Variants in INSL6 observed in about 807,000 individuals in gnomAD.
INSL6 encodes insulin-like peptide INSL6.
A neutral mutation model predicts 9.4 loss-of-function variants in INSL6; 16 were observed. The ratio of observed to expected loss-of-function variants is 1.70; its 90% confidence interval spans 1.15 to 2.59. The LOEUF is 2.59. Among genes scored for constraint, INSL6 ranks in the 30% most tolerant of loss-of-function variants. The probability of loss-of-function intolerance (pLI) is 0.00; values close to 1 mark genes in which losing one functional copy is unlikely to be tolerated. For synonymous variants in INSL6, 154 were observed against 96.9 expected, an observed-to-expected ratio of 1.59 and a Z score of -3.46; for missense variants, 391 against 257.3, an observed-to-expected ratio of 1.52 and a Z score of -3.56.
the INSL6 span, among the ~76,000 whole-genome samples, chr9:5,104,310 C>A: frequency 6.6e-6 from 1 of 152,280 alleles, no homozygotes; most frequent in East Asian, 1.9e-4. Flanking sequence ...ACTAGAAAAT[C>A]TAGAAGAAAT....
the INSL6 span, among the ~76,000 whole-genome samples, chr9:5,084,033 G>A: frequency 6.6e-6 from 1 of 151,872 alleles, no homozygotes; most frequent in African/African-American, 2.4e-5. Flanking sequence ...CCCCTTTATT[G>A]TAATTTTGAG....
the INSL6 span, among the ~76,000 whole-genome samples, chr9:5,095,396 C>G: frequency 4.6e-5 from 7 of 152,126 alleles, no homozygotes; most frequent in Non-Finnish European, 8.8e-5. Context: ...GAAGCAGCCA[C>G]CAAATATTTT....
At chr9:5,090,485 A>G in the INSL6 span, 1 of 1,586,738 alleles carries the variant, frequency 6.3e-7, no homozygotes, top group Non-Finnish European at 8.6e-7. Flanking sequence ...TATTTACCAT[A>G]TGGAAGTTTA....
chr9:5,093,039 A>T, the INSL6 span, among the ~76,000 whole-genome samples: 1 of 152,140 alleles, frequency 6.6e-6, no homozygotes, highest in Admixed American at 6.5e-5. Context: ...ACTCTACGGA[A>T]CTCCTAACAT....
At chr9:5,018,917 C>CT in the INSL6 span, among the ~76,000 whole-genome samples, 1 of 152,076 alleles carries the variant, frequency 6.6e-6, no homozygotes. Context: ...TGACTAGACT[C>CT]TTTTTTCTTG....
the INSL6 span, chr9:5,112,517 C>T: frequency 1.7e-6 from 1 of 581,526 alleles, no homozygotes; most frequent in South Asian, 2.3e-5. Flanking sequence ...CTTTTCCCCC[C>T]AGAGCAGAAG....
At chr9:5,146,213 G>A (rs557467130) in intron 2 of INSL6, among the ~76,000 whole-genome samples, 3 of 152,126 alleles carry the variant, frequency 2.0e-5, no homozygotes, top group South Asian at 4.2e-4. Context: ...AAGATTTTAG[G>A]GGGCCAGTAT....
the INSL6 span, among the ~76,000 whole-genome samples, chr9:5,027,524 A>AT: frequency 6.6e-6 from 1 of 152,156 alleles, no homozygotes; most frequent in Non-Finnish European, 1.5e-5. Context: ...TTGGGTGGCT[A>AT]TGGCAATATC....
intron 1 of INSL6, among the ~76,000 whole-genome samples, chr9:5,177,838 C>T (rs181904437): frequency 6.6e-6 from 1 of 152,304 alleles, no homozygotes; most frequent in East Asian, 1.9e-4. Context: ...CACAGCACAG[C>T]TGCTGTGCCA....
At chr9:5,172,886 C>T (rs1397618190) in intron 1 of INSL6, among the ~76,000 whole-genome samples, 1 of 151,750 alleles carries the variant, frequency 6.6e-6, no homozygotes, top group Non-Finnish European at 1.5e-5. Flanking sequence ...CGAGATCATG[C>T]CATTGCACTC....
the INSL6 span, among the ~76,000 whole-genome samples, chr9:5,002,625 G>A: frequency 6.6e-6 from 1 of 151,876 alleles, no homozygotes; most frequent in Non-Finnish European, 1.5e-5. Context: ...ATTGTGTTCT[G>A]TAAATGTCAG....
At chr9:5,135,329 GC>G (rs1282721846) in intron 2 of INSL6, among the ~76,000 whole-genome samples, 2 of 150,518 alleles carry the variant, frequency 1.3e-5, no homozygotes, top group Non-Finnish European at 3.0e-5. Flanking sequence ...TCTGGACCAA[GC>G]AGACCTAACA....
intron 2 of INSL6, among the ~76,000 whole-genome samples, chr9:5,153,254 C>T (rs1045440979): frequency 2.6e-5 from 4 of 152,088 alleles, no homozygotes; most frequent in African/African-American, 9.7e-5. Flanking sequence ...CTCTGTGGGT[C>T]CCACCCCCAC....
the INSL6 span, chr9:5,069,177 G>T: frequency 1.9e-6 from 3 of 1,609,836 alleles, no homozygotes; most frequent in East Asian, 4.5e-5. Flanking sequence ...TAATTTTCCA[G>T]TTTACTAAAT....
the INSL6 span, chr9:5,099,365 A>G: frequency 2.6e-5 from 4 of 152,288 alleles, no homozygotes; most frequent in East Asian, 7.7e-4. Context: ...TTTACCTTTT[A>G]AGTTAAAGAT....
At chr9:5,162,740 G>A (rs1026862568), downstream of INSL6, among the ~76,000 whole-genome samples, 8 of 152,182 alleles carry the variant, frequency 5.3e-5, no homozygotes, top group African/African-American at 1.9e-4. Flanking sequence ...TGCAAAGTAT[G>A]TATGACACAG....
At chr9:5,108,784 C>T in the INSL6 span, 1 of 152,124 alleles carries the variant, frequency 6.6e-6, no homozygotes, top group Admixed American at 6.5e-5. Flanking sequence ...ATTGCCTACT[C>T]CTCTGTAAGC....
chr9:5,158,678 A>C (rs1279805181), intron 2 of INSL6, among the ~76,000 whole-genome samples: 1 of 152,148 alleles, frequency 6.6e-6, no homozygotes, highest in East Asian at 1.9e-4. Flanking sequence ...TCCCAGCCAA[A>C]AAAAGGAAGA....
chr9:5,024,217 C>G, the INSL6 span, among the ~76,000 whole-genome samples: 30 of 152,234 alleles, frequency 2.0e-4, no homozygotes, highest in African/African-American at 7.0e-4. Flanking sequence ...GATTGCGCCA[C>G]TGCACTCCAG....
Sources: allele counts gnomAD v4.1 joint callset (sites outside exome capture counted in the v4.1 genomes callset), GRCh38; gene constraint gnomAD v4.1.1; transcripts MANE v1.5; gene names NCBI Gene and HGNC (gene_info 2026-07-23, HGNC 2026-07-21).